MAEA: variants seen among roughly 807,000 people sequenced by gnomAD.
The protein encoded by MAEA is E3 ubiquitin-protein transferase MAEA.
A neutral mutation model predicts 46.2 loss-of-function variants in MAEA; 22 were observed. That is an observed-to-expected ratio of 0.48 (90% CI 0.34 to 0.68). The LOEUF (loss-of-function observed/expected upper bound fraction) is 0.68, where lower values mean the gene tolerates loss of function less well. Ranked by LOEUF, MAEA falls within the 30% of genes least tolerant of loss-of-function variation. The probability of loss-of-function intolerance (pLI) is 0.01; values close to 1 mark genes in which losing one functional copy is unlikely to be tolerated. For synonymous variants in MAEA, 246 were observed against 222.6 expected (o/e 1.11, Z -0.94); for missense variants, 393 against 558.1 (o/e 0.70, Z 2.98).
intron 1 of MAEA, among the ~76,000 whole-genome samples, chr4:1,305,161 G>T (rs548494794): frequency 2.7e-4 from 40 of 150,640 alleles, no homozygotes; most frequent in Non-Finnish European, 5.3e-4. Flanking sequence ...GGTTTTCTTT[G>T]TTCCAGTTAA....
At chr4:1,299,659 T>G (rs1213289412) in intron 1 of MAEA, 1 of 152,550 alleles carries the variant, frequency 6.6e-6, no homozygotes, top group Admixed American at 6.5e-5. Context: ...GCCCAGGGTT[T>G]TACTGCCACC....
intron 1 of MAEA, among the ~76,000 whole-genome samples, chr4:1,296,814 C>G (rs535396008): frequency 2.6e-5 from 4 of 152,154 alleles, no homozygotes; most frequent in African/African-American, 9.7e-5. Context: ...TGCCTCGAGA[C>G]GCTCCCATCA....
At chr4:1,338,892 TGAA>T in intron 8 of MAEA, 179 bp from the exon 9 acceptor site, 1 of 665,848 alleles carries the variant, frequency 1.5e-6, no homozygotes, top group Non-Finnish European at 2.6e-6. Flanking sequence ...TCGAAATGGA[TGAA>T]GGGGTGGGAA....
chr4:1,294,800 G>A (rs1474899454), intron 1 of MAEA, among the ~76,000 whole-genome samples: 1 of 149,418 alleles, frequency 6.7e-6, no homozygotes, highest in African/African-American at 2.5e-5. Flanking sequence ...AGGGGACGGG[G>A]GTGGGGCCGG....
intron 7 of MAEA, 133 bp downstream of exon 7, chr4:1,337,127 C>G: frequency 8.9e-7 from 1 of 1,125,222 alleles, no homozygotes. Flanking sequence ...GTGTGCTGCA[C>G]TTGCGTGGTG....
intron 6 of MAEA, 33 bp downstream of exon 6, chr4:1,332,898 C>A: frequency 6.5e-7 from 1 of 1,532,310 alleles, no homozygotes; most frequent in Non-Finnish European, 9.0e-7. Context: ...CGGTGTCATG[C>A]TGGGGTGGGG....
intron 1 of MAEA, among the ~76,000 whole-genome samples, chr4:1,310,726 T>C (rs868419936): frequency 2.6e-5 from 4 of 152,270 alleles, no homozygotes; most frequent in Middle Eastern, 6.8e-3. Context: ...CGCTGGGGGA[T>C]GTCTGAGTGG....
intron 4 of MAEA, among the ~76,000 whole-genome samples, chr4:1,324,627 C>T (rs1489864952): frequency 2.5e-5 from 3 of 121,828 alleles, no homozygotes; most frequent in African/African-American, 6.5e-5. Flanking sequence ...ATTGGATGAG[C>T]GTGCCTGGTG....
Position 1,332,826 on chromosome 4 carries a change from G to A in MAEA, c.726G>A (p.Met242Ile). ...ACGAGGTGCGCCAGGCCATGGGCAT[G>A]CTGGCCTTCCCGCCCGACACGCACA... ...QLDEVRQAMG[M>I]LAFPPDTHIS... Residue 242 changes from methionine (M) to isoleucine (I), a missense_variant, in exon 6 of 9, where the codon ATG becomes ATA. Transcript: ENST00000303400. 1 of 1,613,216 alleles carries A rather than the reference G, an allele frequency of 6.2e-7. No individual in the cohort carries two copies. The highest frequency in any genetic ancestry group is 1.1e-5 in the South Asian group (1 of 91,038).
rs111791755 is a variant in MAEA at position 1,316,974 on chromosome 4, C to T, written c.456+1374C>T. ...AGACTCACCTGCAGGCCCACCACGG[C>T]CCCACACTCTAGACTCACCCCCAGG... On this transcript the variant is annotated intron_variant, in intron 3 of 8. Coordinates refer to ENST00000303400, the MANE Select transcript of MAEA (RefSeq NM_001017405.3). Among the ~76,000 whole-genome samples, 283 of 140,092 alleles carry T rather than the reference C, an allele frequency of 2.0e-3. 2 individuals are homozygous for T. Among genetic ancestry groups the T allele is most frequent in the Non-Finnish European group, 3.1e-3 (194 of 62,364 alleles). The allele number at this position is 140,092 out of a possible 152,430, so 91.9% of individuals were successfully genotyped here.
intron 1 of MAEA, among the ~76,000 whole-genome samples, chr4:1,304,195 A>G (rs554718577): frequency 6.6e-6 from 1 of 152,302 alleles, no homozygotes; most frequent in Admixed American, 6.5e-5. Flanking sequence ...GCTGGTCCAA[A>G]TCGTCGTGTG....
chr4:1,338,214 C>T (rs1357943371), intron 7 of MAEA: 2 of 513,394 alleles, frequency 3.9e-6, no homozygotes, highest in Non-Finnish European at 7.0e-6. Flanking sequence ...TGAGAAGGCG[C>T]AGGCTTCTTG....
intron 5 of MAEA, chr4:1,330,270 C>A: frequency 2.9e-6 from 1 of 340,582 alleles, no homozygotes; most frequent in South Asian, 1.2e-4. Context: ...CACACCTCAG[C>A]CTGGCCAGGC....
chr4:1,304,025 G>A (rs1467045170), intron 1 of MAEA, among the ~76,000 whole-genome samples: 1 of 151,990 alleles, frequency 6.6e-6, no homozygotes, highest in Non-Finnish European at 1.5e-5. Flanking sequence ...CAGGTCCATA[G>A]AAGTAGAATA....
At chr4:1,312,197 G>T (rs1348146959) in intron 2 of MAEA, 36 bp downstream of exon 2, 3 of 1,610,738 alleles carry the variant, frequency 1.9e-6, no homozygotes, top group African/African-American at 2.7e-5. Flanking sequence ...TCAGTCTGGG[G>T]CATGGACACC....
intron 1 of MAEA, among the ~76,000 whole-genome samples, chr4:1,305,505 A>G (rs1470200841): frequency 2.0e-5 from 3 of 152,106 alleles, no homozygotes; most frequent in Non-Finnish European, 4.4e-5. Flanking sequence ...TTGTATGTCC[A>G]TTTTTCTTGG....
intron 4 of MAEA, among the ~76,000 whole-genome samples, chr4:1,325,045 C>T (rs1241674680): frequency 6.6e-6 from 1 of 152,092 alleles, no homozygotes; most frequent in Non-Finnish European, 1.5e-5. Context: ...AAAACATGCC[C>T]GGTACGAGAT....
At chr4:1,309,809 C>T (rs1449136879) in intron 1 of MAEA, 3 of 1,389,060 alleles carry the variant, frequency 2.2e-6, no homozygotes, top group Non-Finnish European at 2.8e-6. Context: ...CAAAGGGTTC[C>T]TGTCTGCAGC....
rs142120621 is a variant in MAEA at position 1,315,462 on chromosome 4, C to G, written c.318C>G (p.Leu106=). The G allele has an allele frequency of 6.1e-5, 98 of 1,613,754 alleles. No individual in the cohort carries two copies. The highest frequency in any genetic ancestry group is 8.0e-5 in the Non-Finnish European group (94 of 1,180,014). ...AKLCKRRIEH[L]KEHSSDQPAA... is the part of the protein sequence containing the mutation. Reference sequence around the variant, plus strand: ...TGTGCAAGCGCCGGATCGAGCACCTCAAAGAGCATAGCAGCGACCAGCCCG... The same window carrying G: ...TGTGCAAGCGCCGGATCGAGCACCTGAAAGAGCATAGCAGCGACCAGCCCG... The change falls in exon 3 of 9, where the codon CTC becomes CTG. Residue 106 remains leucine (L), a synonymous_variant. Coordinates refer to ENST00000303400, the MANE Select transcript of MAEA (RefSeq NM_001017405.3).
Sources: allele counts gnomAD v4.1 joint callset (sites outside exome capture counted in the v4.1 genomes callset), GRCh38; gene constraint gnomAD v4.1.1; transcripts MANE v1.5; gene names NCBI Gene and HGNC (gene_info 2026-07-23, HGNC 2026-07-21).